The following DNAJB13 variants were observed in gnomAD, a reference collection of about 807,000 sequenced individuals.
DNAJB13 encodes DnaJ heat shock protein family (Hsp40) member B13.
DNAJB13 carries 22 observed loss-of-function variants against 35.6 expected under a neutral mutation model. That is an observed-to-expected ratio of 0.62 (90% CI 0.44 to 0.88). DNAJB13 has a LOEUF of 0.88. Ranked by LOEUF, DNAJB13 falls within the 40% of genes least tolerant of loss-of-function variation. DNAJB13 has a pLI of 0.00. For missense variants in DNAJB13, 370 were observed against 384.3 expected, an observed-to-expected ratio of 0.96 and a Z score of 0.31; for synonymous variants, 136 against 144.2, an observed-to-expected ratio of 0.94 and a Z score of 0.41.
At chr11:73,954,554 T>C (rs1402208690) in intron 1 of DNAJB13, among the ~76,000 whole-genome samples, 7 of 143,560 alleles carry the variant, frequency 4.9e-5, no homozygotes, top group Admixed American at 7.1e-5. Context: ...GGCGTGAACC[T>C]GGGAGGCGGA....
chr11:73,964,969 G>A lies in DNAJB13; in HGVS notation c.426G>A (p.Arg142=), dbSNP rs1464168569. The change falls in exon 4 of 8, where the codon CGG becomes CGA. Residue 142 remains arginine (R), a synonymous_variant. Transcript: ENST00000339764. The stretch of plus-strand genomic sequence containing the variant: ...AGAAGCAGGACCCCCAAGTCGAACG[G>A]GATCTCTACCTGTCCCTGGAGGACT... ...GVKKQDPQVE[R]DLYLSLEDLF... is the part of the protein sequence containing the mutation. The A allele has an allele frequency of 2.5e-6, 4 of 1,612,894 alleles. No individual in the cohort carries two copies. Among genetic ancestry groups the A allele is most frequent in the Non-Finnish European group, 2.5e-6 (3 of 1,179,808 alleles).
intron 3 of DNAJB13, among the ~76,000 whole-genome samples, chr11:73,962,689 G>A (rs914803416): frequency 1.3e-5 from 2 of 152,132 alleles, no homozygotes; most frequent in African/African-American, 4.8e-5. Flanking sequence ...CCTTCTCCCT[G>A]ACTATACTTC....
At chr11:73,951,270 A>C in intron 1 of DNAJB13, 133 bp downstream of exon 1, 1 of 1,093,890 alleles carries the variant, frequency 9.1e-7, no homozygotes, top group Non-Finnish European at 1.3e-6. Flanking sequence ...CTTCTTGCAT[A>C]CCTGTATCCT....
rs1397972527 is a variant in DNAJB13 at position 73,964,775 on chromosome 11, G to C, written c.335-103G>C. On this transcript the variant is annotated intron_variant, in intron 3 of 7. Coordinates refer to ENST00000339764, the MANE Select transcript of DNAJB13 (RefSeq NM_153614.4). ...ATCTGGATAGGGAGGCTGTGTGTGT[G>C]TGTGTGTGTGTGTGTGTGTGTGTGT... The C allele has an allele frequency of 3.7e-5, 16 of 436,238 alleles. No homozygotes were observed. The African/African-American group carries it at 5.3e-4, about 14-fold the overall frequency. The allele number at this position is 436,238 out of a possible 1,614,324, so 27.0% of individuals were successfully genotyped here. A position where few individuals can be genotyped will look rare whatever the true frequency, so the allele number is the denominator to read the frequency against.
At chr11:73,966,346 C>T (rs1951115860) in intron 5 of DNAJB13, 95 bp downstream of exon 5, 10 of 1,195,116 alleles carry the variant, frequency 8.4e-6, no homozygotes, top group Middle Eastern at 2.6e-4. Context: ...ATACTTTTTC[C>T]TGCCCCTGTG....
chr11:73,962,499 G>C lies in DNAJB13; in HGVS notation c.335-2379G>C, dbSNP rs1950962829. On this transcript the variant is annotated intron_variant, in intron 3 of 7. Coordinates refer to ENST00000339764, the MANE Select transcript of DNAJB13 (RefSeq NM_153614.4). Reference sequence around the variant, plus strand: ...TGGCTGGGTAGGCGGAAGGATGGCTGAGTAGGTGGATGGGTGCGTGATTCC... The same window carrying C: ...TGGCTGGGTAGGCGGAAGGATGGCTCAGTAGGTGGATGGGTGCGTGATTCC... Among the ~76,000 whole-genome samples, 4 of 152,172 alleles carry C rather than the reference G, an allele frequency of 2.6e-5. No homozygotes were observed. The South Asian group carries it at 8.3e-4, about 31-fold the overall frequency.
intron 1 of DNAJB13, among the ~76,000 whole-genome samples, chr11:73,952,383 C>T (rs991194599): frequency 6.6e-6 from 1 of 152,128 alleles, no homozygotes; most frequent in Non-Finnish European, 1.5e-5. Context: ...GAGAACTTTC[C>T]ATCACTGTTT....
At chr11:73,960,137 A>C (rs1158164414) in intron 3 of DNAJB13, among the ~76,000 whole-genome samples, 2 of 152,180 alleles carry the variant, frequency 1.3e-5, no homozygotes, top group African/African-American at 4.8e-5. Context: ...TCATTGAAAA[A>C]GAAATACATT....
intron 2 of DNAJB13, 114 bp downstream of exon 2, chr11:73,958,534 T>C (rs971708567): frequency 1.0e-6 from 1 of 964,780 alleles, no homozygotes; most frequent in African/African-American, 1.6e-5. Flanking sequence ...CTTCCCTGCC[T>C]AGAATCTAGA....
At position 73,970,158 on chromosome 11, in the gene DNAJB13, T is replaced by A. The variant is rs779301355; in HGVS notation, c.*44T>A. 4.1e-5 allele frequency: 63 copies of A among 1,534,016 alleles called. No individual in the cohort carries two copies. Among genetic ancestry groups the A allele is most frequent in the Non-Finnish European group, 4.7e-5 (54 of 1,141,520 alleles). On this transcript the variant is annotated 3_prime_UTR_variant, in exon 8 of 8. Coordinates refer to ENST00000339764, the MANE Select transcript of DNAJB13 (RefSeq NM_153614.4). ...GGGGTGAGAGGAGGCTAGCCGGGCC[T>A]CACCCCACCCCTACCCGCCACAGCC...
rs150548061 is a variant in DNAJB13 at position 73,964,815 on chromosome 11, G to GCGCGCGCGCCCC, written c.335-54_335-53insCCCCGCGCGCGC. ...TGTGTGTGTGTGTGTGTGTGTGTGC[G>GCGCGCGCGCCCC]CGCGCGCGCATGTCTGGGTCTCTGG... On this transcript the variant is annotated intron_variant, in intron 3 of 7. Transcript: ENST00000339764. 0.015 allele frequency: 14,940 copies of GCGCGCGCGCCCC among 969,172 alleles called. 1,179 individuals are homozygous for GCGCGCGCGCCCC. Among genetic ancestry groups the GCGCGCGCGCCCC allele is most frequent in the Admixed American group, 0.051 (2,158 of 42,700 alleles). 60.0% of individuals were successfully genotyped at this position (969,172 alleles called of 1,614,324 possible).
chr11:73,963,356 AAG>A (rs1173081559), intron 3 of DNAJB13, among the ~76,000 whole-genome samples: 2 of 151,704 alleles, frequency 1.3e-5, no homozygotes, highest in African/African-American at 4.8e-5. Context: ...AAAAAAAAAA[AAG>A]AAAAAAGAAA....
chr11:73,952,359 G>A (rs1950609390), intron 1 of DNAJB13, among the ~76,000 whole-genome samples: 1 of 152,218 alleles, frequency 6.6e-6, no homozygotes, highest in Non-Finnish European at 1.5e-5. Flanking sequence ...TTTTGAGTGT[G>A]TAGGTGCTGT....
intron 7 of DNAJB13, 91 bp downstream of exon 7, chr11:73,969,413 T>C: frequency 1.3e-6 from 1 of 786,916 alleles, no homozygotes; most frequent in Non-Finnish European, 2.2e-6. Flanking sequence ...AGTAGAGTTG[T>C]ACAGGCTGCC....
intron 5 of DNAJB13, chr11:73,968,075 G>A (rs1359449092): frequency 1.8e-5 from 9 of 491,110 alleles, no homozygotes; most frequent in South Asian, 4.2e-5. Flanking sequence ...CCTGCCTGCC[G>A]TCTGAGGAAG....
At chr11:73,966,348 G>A (rs1168259417) in intron 5 of DNAJB13, 97 bp downstream of exon 5, 8 of 1,124,460 alleles carry the variant, frequency 7.1e-6, no homozygotes, top group Non-Finnish European at 1.0e-5. Flanking sequence ...ACTTTTTCCT[G>A]CCCCTGTGAG....
chr11:73,953,346 GA>G, intron 1 of DNAJB13, among the ~76,000 whole-genome samples: 1 of 152,160 alleles, frequency 6.6e-6, no homozygotes, highest in Admixed American at 6.5e-5. Context: ...ACGAGCCGCA[GA>G]AAAAACCTCT....
chr11:73,969,664 G>T lies in DNAJB13; in HGVS notation c.798-297G>T, dbSNP rs112348704. Among the ~76,000 whole-genome samples, 146 of 152,330 alleles carry T rather than the reference G, an allele frequency of 9.6e-4. 1 individual carries two copies. Among genetic ancestry groups the T allele is most frequent in the African/African-American group, 3.0e-3 (124 of 41,570 alleles). On this transcript the variant is annotated intron_variant, in intron 7 of 7. Transcript: ENST00000339764. ...CTTTTCCAAGAAAGGCCCTCTGCCC[G>T]TGAGGAGGTTTGCCTGGCAGCCCAG...
At chr11:73,957,784 G>GA (rs1950797514) in intron 1 of DNAJB13, among the ~76,000 whole-genome samples, 1 of 152,192 alleles carries the variant, frequency 6.6e-6, no homozygotes, top group Non-Finnish European at 1.5e-5. Flanking sequence ...AGATGCCTGT[G>GA]TGTCTGCTCC....
Sources: gnomAD v4.1 joint callset for allele counts (sites outside exome capture counted in the v4.1 genomes callset) on GRCh38, gnomAD v4.1.1 for gene constraint, MANE v1.5 for transcripts, NCBI Gene and HGNC (gene_info 2026-07-23, HGNC 2026-07-21) for gene names.